The following MTA3 variants were observed in gnomAD, a reference collection of about 807,000 sequenced individuals.
MTA3 encodes the protein metastasis associated 1 family member 3.
In MTA3, 34 loss-of-function variants were observed where a neutral mutation model predicts 83.5. The observed-to-expected ratio is 0.41, with a 90% CI of 0.31 to 0.54. MTA3 has a LOEUF of 0.54. Among genes scored for constraint, MTA3 ranks in the 20% least tolerant of loss-of-function variants. The probability of loss-of-function intolerance (pLI) is 0.33; values close to 1 mark genes in which losing one functional copy is unlikely to be tolerated. For synonymous variants in MTA3, 303 were observed against 252.7 expected, an observed-to-expected ratio of 1.20 and a Z score of -1.89; for missense variants, 761 against 726.4, an observed-to-expected ratio of 1.05 and a Z score of -0.55.
At chr2:42,649,840 T>A (rs1186834310) in intron 6 of MTA3, among the ~76,000 whole-genome samples, 1 of 152,194 alleles carries the variant, frequency 6.6e-6, no homozygotes, top group Non-Finnish European at 1.5e-5. Flanking sequence ...TATTTGAAGC[T>A]GTAAAAAGGG....
chr2:42,549,870 A>T (rs549197331), intron 2 of MTA3, among the ~76,000 whole-genome samples: 2 of 151,108 alleles, frequency 1.3e-5, no homozygotes, highest in East Asian at 1.9e-4. Flanking sequence ...ACTCCGTCCC[A>T]CCTGGCACAT....
At chr2:42,598,963 T>C (rs1682198500) in intron 3 of MTA3, among the ~76,000 whole-genome samples, 1 of 152,140 alleles carries the variant, frequency 6.6e-6, no homozygotes, top group South Asian at 2.1e-4. Flanking sequence ...AGCCAGGAAG[T>C]TGGAAAATGG....
chr2:42,579,415 CTA>C (rs201069400), intron 3 of MTA3, among the ~76,000 whole-genome samples: 23 of 136,896 alleles, frequency 1.7e-4, no homozygotes, highest in South Asian at 4.9e-4. Context: ...AATTTTATAT[CTA>C]TATATATATA....
At chr2:42,622,718 C>T (rs1685702064) in intron 4 of MTA3, among the ~76,000 whole-genome samples, 1 of 151,620 alleles carries the variant, frequency 6.6e-6, no homozygotes. Flanking sequence ...TCTTCAACTC[C>T]TGGCCTCAAG....
chr2:42,509,475 A>G (rs1044442114), intron 2 of MTA3, among the ~76,000 whole-genome samples: 6 of 152,178 alleles, frequency 3.9e-5, no homozygotes, highest in Non-Finnish European at 7.3e-5. Flanking sequence ...TAGAAGCTCA[A>G]TACCTATTTG....
At chr2:42,593,836 C>T (rs1428897154) in intron 3 of MTA3, among the ~76,000 whole-genome samples, 1 of 152,038 alleles carries the variant, frequency 6.6e-6, no homozygotes, top group African/African-American at 2.4e-5. Context: ...TGGTTATATG[C>T]ATTGTGATTT....
At chr2:42,650,378 T>C (rs1688596381) in intron 6 of MTA3, among the ~76,000 whole-genome samples, 1 of 152,238 alleles carries the variant, frequency 6.6e-6, no homozygotes, top group African/African-American at 2.4e-5. Flanking sequence ...TTTTCAAATA[T>C]AAATGATTAT....
chr2:42,656,823 A>G (rs1216611870), intron 7 of MTA3, among the ~76,000 whole-genome samples: 3 of 152,370 alleles, frequency 2.0e-5, no homozygotes, highest in African/African-American at 7.2e-5. Flanking sequence ...TTAAAAAATG[A>G]TAACAGTAAA....
intron 2 of MTA3, among the ~76,000 whole-genome samples, chr2:42,530,265 G>A (rs530978747): frequency 1.4e-4 from 22 of 151,916 alleles, no homozygotes; most frequent in Non-Finnish European, 2.5e-4. Context: ...CAAGACAGGC[G>A]GATCATGAGG....
chr2:42,629,847 C>T (rs752766095), intron 4 of MTA3, among the ~76,000 whole-genome samples: 1 of 151,900 alleles, frequency 6.6e-6, no homozygotes, highest in Non-Finnish European at 1.5e-5. Flanking sequence ...GGCATGATCT[C>T]GGCTCTCTGC....
upstream of MTA3, among the ~76,000 whole-genome samples, chr2:42,565,629 T>G (rs541400776): frequency 6.6e-6 from 1 of 152,310 alleles, no homozygotes; most frequent in South Asian, 2.1e-4. Context: ...CACTTCTTCC[T>G]TAGTGATGAG....
chr2:42,753,634 T>TA lies in MTA3; in HGVS notation c.*236dup, dbSNP rs1670046062. The TA allele has an allele frequency of 3.7e-6, 5 of 1,341,678 alleles. No individual in the cohort carries two copies. Among genetic ancestry groups the TA allele is most frequent in the Non-Finnish European group, 4.8e-6 (5 of 1,043,046 alleles). The allele number at this position is 1,341,678 out of a possible 1,614,324, so 83.1% of individuals were successfully genotyped here. On this transcript the variant is annotated 3_prime_UTR_variant, in exon 17 of 17. Transcript: ENST00000405094. Reference sequence around the variant, plus strand: ...GCTTTCTTGTCAGAGACCTCGCTGTTACGGAGCGAGACCTGCTGAGAATTG... The same window carrying TA: ...GCTTTCTTGTCAGAGACCTCGCTGTTAACGGAGCGAGACCTGCTGAGAATTG...
chr2:42,529,382 C>A, intron 2 of MTA3, among the ~76,000 whole-genome samples: 1 of 152,182 alleles, frequency 6.6e-6, no homozygotes, highest in South Asian at 2.1e-4. Flanking sequence ...CTTCACCAGC[C>A]CCTGGTCTTG....
chr2:42,750,818 G>A (rs1413552601), intron 16 of MTA3, among the ~76,000 whole-genome samples: 3 of 152,138 alleles, frequency 2.0e-5, no homozygotes, highest in African/African-American at 7.2e-5. Flanking sequence ...TAAATATCTC[G>A]ACTGGTGGGA....
chr2:42,706,745 A>G (rs1666124312), intron 12 of MTA3, among the ~76,000 whole-genome samples: 2 of 152,220 alleles, frequency 1.3e-5, no homozygotes, highest in African/African-American at 4.8e-5. Flanking sequence ...AAAAACTAAC[A>G]CAAGCTTACA....
intron 3 of MTA3, among the ~76,000 whole-genome samples, chr2:42,594,783 G>GTGGCA (rs72224916): frequency 4.3e-4 from 4 of 9,362 alleles, no homozygotes; most frequent in Non-Finnish European, 6.8e-4. Flanking sequence ...CTGGAGTCCA[G>GTGGCA]TGGCGCGATC....
intron 3 of MTA3, among the ~76,000 whole-genome samples, chr2:42,602,848 G>T (rs1002125149): frequency 6.6e-6 from 1 of 152,124 alleles, no homozygotes; most frequent in Non-Finnish European, 1.5e-5. Context: ...AAAGACAGGG[G>T]CCCAGCCATC....
intron 11 of MTA3, chr2:42,702,186 G>C (rs1665639486): frequency 6.6e-6 from 1 of 152,350 alleles, no homozygotes; most frequent in Non-Finnish European, 1.5e-5. Flanking sequence ...ACTCCAGCCT[G>C]GGTCACAAGA....
At chr2:42,715,678 A>G (rs1666978328) in intron 14 of MTA3, among the ~76,000 whole-genome samples, 1 of 152,212 alleles carries the variant, frequency 6.6e-6, no homozygotes. Context: ...TTAATGAGAA[A>G]TTAGAAGCAA....
Sources: allele counts gnomAD v4.1 joint callset (sites outside exome capture counted in the v4.1 genomes callset), GRCh38; gene constraint gnomAD v4.1.1; transcripts MANE v1.5; gene names NCBI Gene and HGNC (gene_info 2026-07-23, HGNC 2026-07-21).